FGGY: variants seen among roughly 807,000 people sequenced by gnomAD.
FGGY encodes the protein FGGY carbohydrate kinase domain-containing protein.
Under a neutral mutation model 71.3 loss-of-function variants are expected in FGGY, and 72 were observed. The ratio of observed to expected loss-of-function variants is 1.01; its 90% CI spans 0.84 to 1.23. The LOEUF (loss-of-function observed/expected upper bound fraction) is 1.23, where lower values mean the gene tolerates loss of function less well. FGGY is among the 50% of genes most tolerant of loss of function. The pLI is 0.00. For synonymous variants in FGGY, 251 were observed against 250.3 expected, an observed-to-expected ratio of 1.00 and a Z score of -0.02; for missense variants, 668 against 682.3, an observed-to-expected ratio of 0.98 and a Z score of 0.23.
intron 7 of FGGY, among the ~76,000 whole-genome samples, chr1:59,526,544 G>A (rs1286304197): frequency 3.3e-5 from 5 of 152,112 alleles, no homozygotes; most frequent in Admixed American, 6.5e-5. Context: ...TTTTCCAGGC[G>A]GTGTAAAAAT....
chr1:59,402,213 G>C (rs769119771), intron 5 of FGGY, among the ~76,000 whole-genome samples: 4 of 152,168 alleles, frequency 2.6e-5, no homozygotes, highest in Non-Finnish European at 4.4e-5. Flanking sequence ...TTTAGGAAAT[G>C]GTCGACAGTG....
chr1:59,653,770 C>T (rs2097192443), intron 11 of FGGY, among the ~76,000 whole-genome samples: 1 of 152,196 alleles, frequency 6.6e-6, no homozygotes. Context: ...GCCATCTTGG[C>T]TCCTCCTCCT....
chr1:59,334,908 T>C (rs2049181442), intron 2 of FGGY, among the ~76,000 whole-genome samples: 1 of 152,174 alleles, frequency 6.6e-6, no homozygotes, highest in Non-Finnish European at 1.5e-5. Flanking sequence ...CTTTAAAAAT[T>C]ATACAAACAA....
chr1:59,728,610 ATCTT>A (rs1309513538), intron 14 of FGGY, among the ~76,000 whole-genome samples: 2 of 151,802 alleles, frequency 1.3e-5, no homozygotes, highest in Non-Finnish European at 2.9e-5. Flanking sequence ...ATTTGAGAAT[ATCTT>A]TCTTTCTCTT....
At position 59,684,146 on chromosome 1, in the gene FGGY, C is replaced by T. The variant is rs777133721; in HGVS notation, c.1512+10013C>T. ...GGCAAGGAAGAATTAGACACAATGTCGGTACCCAAGGAATTCCCAGTCTAC... is the reference window on the plus strand; with the variant it reads ...GGCAAGGAAGAATTAGACACAATGTTGGTACCCAAGGAATTCCCAGTCTAC... On this transcript the variant is annotated intron_variant, in intron 14 of 15. Coordinates refer to ENST00000303721, the MANE Select transcript of FGGY (RefSeq NM_018291.5). Among the ~76,000 whole-genome samples, 5 of 152,178 alleles carry T rather than the reference C, an allele frequency of 3.3e-5. No individual in the cohort carries two copies. In the South Asian group the frequency reaches 1.0e-3, roughly 32 times the overall value.
chr1:59,738,195 G>A (rs1012313056), intron 14 of FGGY, among the ~76,000 whole-genome samples: 4 of 152,326 alleles, frequency 2.6e-5, no homozygotes, highest in Admixed American at 1.3e-4. Context: ...GAAACTCCCA[G>A]CTGCAAACAC....
chr1:59,716,211 T>G (rs974361237), intron 14 of FGGY, among the ~76,000 whole-genome samples: 3 of 152,338 alleles, frequency 2.0e-5, no homozygotes, highest in Admixed American at 2.0e-4. Flanking sequence ...ATAATATATA[T>G]GAAATGCCTA....
rs971037189 is a variant in FGGY at position 59,583,878 on chromosome 1, G to A, written c.904-23925G>A. Reference sequence around the variant, plus strand: ...TGTTTTGAATGAGAGAGAGATGACCGTGCAGGGTGGAAGCAGGTCTGATGC... The same window carrying A: ...TGTTTTGAATGAGAGAGAGATGACCATGCAGGGTGGAAGCAGGTCTGATGC... On this transcript the variant is annotated intron_variant, in intron 8 of 15. Coordinates refer to ENST00000303721, the MANE Select transcript of FGGY (RefSeq NM_018291.5). Among the ~76,000 whole-genome samples, 11 of 136,466 alleles carry A rather than the reference G, an allele frequency of 8.1e-5. 3 individuals carry two copies. Among genetic ancestry groups the A allele is most frequent in the African/African-American group, 2.3e-4 (8 of 34,600 alleles). The allele number at this position is 136,466 out of a possible 152,430, so 89.5% of individuals were successfully genotyped here. A position where few individuals can be genotyped will look rare whatever the true frequency, so the allele number is the denominator to read the frequency against.
chr1:59,674,438 G>C (rs1315047952), intron 14 of FGGY, among the ~76,000 whole-genome samples: 2 of 151,966 alleles, frequency 1.3e-5, no homozygotes, highest in Admixed American at 1.3e-4. Context: ...ACATGAAACA[G>C]GTAAGGCTCA....
intron 5 of FGGY, among the ~76,000 whole-genome samples, chr1:59,412,356 G>A (rs1289871678): frequency 6.6e-6 from 1 of 152,144 alleles, no homozygotes; most frequent in East Asian, 1.9e-4. Flanking sequence ...CATGTGGCTT[G>A]GGGTGTGGAG....
intron 6 of FGGY, among the ~76,000 whole-genome samples, chr1:59,474,564 A>G (rs150464065): frequency 6.6e-6 from 1 of 152,308 alleles, no homozygotes; most frequent in Non-Finnish European, 1.5e-5. Context: ...GCCAATCTGG[A>G]TACTGACATT....
At chr1:59,713,021 C>T (rs745838218) in intron 14 of FGGY, among the ~76,000 whole-genome samples, 2 of 152,190 alleles carry the variant, frequency 1.3e-5, no homozygotes, top group Non-Finnish European at 2.9e-5. Flanking sequence ...GCACCCAAGT[C>T]GCCTCTTGAA....
chr1:59,748,206 A>C (rs1231476052), intron 14 of FGGY, among the ~76,000 whole-genome samples: 3 of 152,148 alleles, frequency 2.0e-5, no homozygotes, highest in African/African-American at 7.2e-5. Flanking sequence ...CATGGAGCTT[A>C]GATTCAGGAG....
chr1:59,533,256 A>G (rs910657832), intron 7 of FGGY, among the ~76,000 whole-genome samples: 1 of 151,970 alleles, frequency 6.6e-6, no homozygotes, highest in Non-Finnish European at 1.5e-5. Context: ...AGCACCTGGA[A>G]AATCGGGTGA....
intron 7 of FGGY, among the ~76,000 whole-genome samples, chr1:59,517,638 T>C (rs1414512060): frequency 6.6e-6 from 1 of 152,168 alleles, no homozygotes. Context: ...CACTCTCTTT[T>C]TCCCCCACTG....
chr1:59,651,597 T>A (rs1414528887), intron 11 of FGGY, among the ~76,000 whole-genome samples: 3 of 149,922 alleles, frequency 2.0e-5, no homozygotes, highest in Non-Finnish European at 4.4e-5. Flanking sequence ...TTGTTTTCCA[T>A]TTGCTTGGTA....
chr1:59,482,612 A>ATG (rs146094657), intron 6 of FGGY, among the ~76,000 whole-genome samples: 2 of 147,676 alleles, frequency 1.4e-5, no homozygotes, highest in Non-Finnish European at 1.5e-5. Context: ...ATATATACAT[A>ATG]TGTGTGTGTG....
At chr1:59,681,162 T>C (rs1327735230) in intron 14 of FGGY, among the ~76,000 whole-genome samples, 1 of 152,162 alleles carries the variant, frequency 6.6e-6, no homozygotes, top group Non-Finnish European at 1.5e-5. Context: ...TAGGTAGATA[T>C]AAAAAGCACT....
intron 5 of FGGY, among the ~76,000 whole-genome samples, chr1:59,420,095 A>T (rs1463222792): frequency 6.6e-6 from 1 of 152,352 alleles, no homozygotes; most frequent in East Asian, 1.9e-4. Context: ...TCCTGAAATT[A>T]TGAAATGTAA....
Sources: gnomAD v4.1 joint callset for allele counts (sites outside exome capture counted in the v4.1 genomes callset) on GRCh38, gnomAD v4.1.1 for gene constraint, MANE v1.5 for transcripts, NCBI Gene and HGNC (gene_info 2026-07-23, HGNC 2026-07-21) for gene names.